NELL2: variants seen among roughly 807,000 people sequenced by gnomAD.
NELL2 encodes protein kinase C-binding protein NELL2.
In NELL2, 41 loss-of-function variants were observed where a neutral mutation model predicts 109.6. The observed-to-expected ratio is 0.37, with a 90% CI of 0.29 to 0.49. NELL2 has a LOEUF of 0.49. Ranked by LOEUF, NELL2 falls within the 20% of genes least tolerant of loss-of-function variation. The probability of loss-of-function intolerance (pLI) is 0.98; values close to 1 mark genes in which losing one functional copy is unlikely to be tolerated. For synonymous variants in NELL2, 355 were observed against 344.7 expected, an observed-to-expected ratio of 1.03 and a Z score of -0.33; for missense variants, 900 against 1,008.3, an observed-to-expected ratio of 0.89 and a Z score of 1.45.
At chr12:44,799,437 T>C (rs1942753843) in intron 3 of NELL2, among the ~76,000 whole-genome samples, 1 of 152,076 alleles carries the variant, frequency 6.6e-6, no homozygotes, top group Non-Finnish European at 1.5e-5. Context: ...ATGTTAATGA[T>C]ATTTGAAAAA....
intron 1 of NELL2, among the ~76,000 whole-genome samples, chr12:44,900,967 G>A (rs1212453330): frequency 1.3e-5 from 2 of 151,394 alleles, no homozygotes; most frequent in Non-Finnish European, 2.9e-5. Flanking sequence ...CCAGCCTGGT[G>A]ACAGAGTAAG....
intron 2 of NELL2, among the ~76,000 whole-genome samples, chr12:44,820,084 T>C (rs1211581811): frequency 6.6e-6 from 1 of 152,106 alleles, no homozygotes; most frequent in Non-Finnish European, 1.5e-5. Flanking sequence ...AGAGAGTACA[T>C]AGAGGAAGTT....
At chr12:44,711,899 T>C (rs1245529185) in intron 10 of NELL2, among the ~76,000 whole-genome samples, 1 of 152,094 alleles carries the variant, frequency 6.6e-6, no homozygotes. Context: ...GCAGGATTCT[T>C]GTCTCTTGTA....
At chr12:44,790,855 AG>A (rs1363939617) in intron 3 of NELL2, among the ~76,000 whole-genome samples, 1 of 151,456 alleles carries the variant, frequency 6.6e-6, no homozygotes, top group Non-Finnish European at 1.5e-5. Flanking sequence ...AAAGCCAGCA[AG>A]GGTAGCTATT....
intron 2 of NELL2, among the ~76,000 whole-genome samples, chr12:44,864,666 C>T (rs760953793): frequency 1.5e-4 from 23 of 152,234 alleles, no homozygotes; most frequent in East Asian, 5.8e-4. Flanking sequence ...ATCATCCAGA[C>T]GGAAAATCAA....
intron 13 of NELL2, among the ~76,000 whole-genome samples, chr12:44,637,892 G>C (rs1447386936): frequency 6.6e-6 from 1 of 151,934 alleles, no homozygotes; most frequent in Non-Finnish European, 1.5e-5. Context: ...GTCTTGTCCA[G>C]CTGATTTTCA....
intron 12 of NELL2, among the ~76,000 whole-genome samples, chr12:44,682,131 C>A (rs1300449248): frequency 2.0e-5 from 3 of 149,874 alleles, no homozygotes; most frequent in African/African-American, 7.7e-5. Flanking sequence ...GAGATGATAT[C>A]TCATTGTGGT....
At chr12:44,840,708 T>C (rs1227768594) in intron 2 of NELL2, among the ~76,000 whole-genome samples, 2 of 151,806 alleles carry the variant, frequency 1.3e-5, no homozygotes, top group Non-Finnish European at 2.9e-5. Flanking sequence ...CAAAGAAACA[T>C]AGGCATTTCC....
intron 3 of NELL2, among the ~76,000 whole-genome samples, chr12:44,783,095 T>C (rs1333752497): frequency 6.6e-5 from 10 of 151,282 alleles, no homozygotes; most frequent in African/African-American, 2.4e-4. Flanking sequence ...AACCAGACAA[T>C]CTCCAAATGT....
At chr12:44,734,890 C>A (rs1486976887) in intron 9 of NELL2, among the ~76,000 whole-genome samples, 1 of 151,682 alleles carries the variant, frequency 6.6e-6, no homozygotes, top group African/African-American at 2.4e-5. Flanking sequence ...AATTATTTTT[C>A]TTTATTTCAT....
At chr12:44,631,795 T>C (rs1189452650) in intron 13 of NELL2, among the ~76,000 whole-genome samples, 1 of 152,098 alleles carries the variant, frequency 6.6e-6, no homozygotes, top group Admixed American at 6.6e-5. Flanking sequence ...TTCTAAACAG[T>C]TGAAGATGAG....
chr12:44,851,151 T>C (rs1944524189), intron 2 of NELL2, among the ~76,000 whole-genome samples: 1 of 152,120 alleles, frequency 6.6e-6, no homozygotes, highest in South Asian at 2.1e-4. Context: ...GAACTCTAAA[T>C]AGTTATTGCT....
At position 44,711,284 on chromosome 12, in the gene NELL2, A is replaced by G. The variant is rs758873036; in HGVS notation, c.1189+8T>C. The G allele has an allele frequency of 1.2e-6, 2 of 1,606,188 alleles. No individual in the cohort carries two copies. Among genetic ancestry groups the G allele is most frequent in the Non-Finnish European group, 1.7e-6 (2 of 1,173,272 alleles). On this transcript the variant is annotated splice_region_variant and intron_variant, in intron 11 of 19. Coordinates refer to ENST00000429094, the MANE Select transcript of NELL2 (RefSeq NM_001145108.2). ...GCACGTAAACCTTACTTTTCAAAAA[A>G]GTCTTACCTTTACAAACTTTGCAAC...
chr12:44,865,564 C>CA (rs1944970267), intron 2 of NELL2, among the ~76,000 whole-genome samples: 1 of 103,368 alleles, frequency 9.7e-6, no homozygotes, highest in African/African-American at 3.7e-5. Flanking sequence ...ATCGCAAGAA[C>CA]AAAAAACCAA....
At chr12:44,582,782 T>C (rs1324204761) in intron 15 of NELL2, among the ~76,000 whole-genome samples, 1 of 152,166 alleles carries the variant, frequency 6.6e-6, no homozygotes, top group Non-Finnish European at 1.5e-5. Flanking sequence ...GTTCATATGT[T>C]GGAAACTGAA....
At chr12:44,758,685 T>G (rs1363479492) in intron 9 of NELL2, among the ~76,000 whole-genome samples, 1 of 152,120 alleles carries the variant, frequency 6.6e-6, no homozygotes, top group Non-Finnish European at 1.5e-5. Context: ...ACAGATTAAC[T>G]CAATTCATTC....
At chr12:44,742,546 G>A (rs1429805762) in intron 9 of NELL2, among the ~76,000 whole-genome samples, 1 of 152,166 alleles carries the variant, frequency 6.6e-6, no homozygotes, top group East Asian at 1.9e-4. Flanking sequence ...TGGTAAAGAA[G>A]TTAAAAGCTT....
intron 12 of NELL2, among the ~76,000 whole-genome samples, chr12:44,686,743 G>A (rs1270048121): frequency 2.0e-5 from 3 of 152,174 alleles, no homozygotes; most frequent in Non-Finnish European, 4.4e-5. Flanking sequence ...CAGGGGTCAG[G>A]GACCCACTTG....
rs187263615 is a variant in NELL2, at chr12:44,686,002, G to T, written c.1318+17724C>A. Among the ~76,000 whole-genome samples the T allele has an allele frequency of 1.2e-3, 189 of 152,292 alleles. 1 individual carries two copies. The highest frequency in any genetic ancestry group is 2.9e-3 in the Admixed American group (44 of 15,304). ...GGGAAGTTCTCCTGGATAATATCCT[G>T]CAGAGTGTTTTCCAACTTGGTTCCA... On this transcript the variant is annotated intron_variant, in intron 12 of 19. Coordinates refer to ENST00000429094, the MANE Select transcript of NELL2 (RefSeq NM_001145108.2).
Sources: allele counts gnomAD v4.1 joint callset (sites outside exome capture counted in the v4.1 genomes callset), GRCh38; gene constraint gnomAD v4.1.1; transcripts MANE v1.5; gene names NCBI Gene and HGNC (gene_info 2026-07-23, HGNC 2026-07-21).